Variants in PTPRD observed in about 807,000 individuals in gnomAD.
PTPRD encodes the protein receptor-type tyrosine-protein phosphatase delta.
A neutral mutation model predicts 214.5 loss-of-function variants in PTPRD; 34 were observed. The observed-to-expected ratio is 0.16, with a 90% CI of 0.12 to 0.21. The LOEUF (loss-of-function observed/expected upper bound fraction) is 0.21, where lower values mean the gene tolerates loss of function less well. Among genes scored for constraint, PTPRD ranks in the 10% least tolerant of loss-of-function variants. PTPRD has a pLI of 1.00. For missense variants in PTPRD, 2,545 were observed against 2,398.7 expected (o/e 1.06, Z -1.27); for synonymous variants, 1,128 against 845.7 (o/e 1.33, Z -5.79).
chr9:9,081,777 G>A (rs2099759436), intron 10 of PTPRD, among the ~76,000 whole-genome samples: 2 of 148,558 alleles, frequency 1.3e-5, no homozygotes. Flanking sequence ...TTTGATCTTT[G>A]TTGGTTTAAA....
chr9:10,139,072 C>T (rs1309359285), intron 3 of PTPRD, among the ~76,000 whole-genome samples: 2 of 151,934 alleles, frequency 1.3e-5, no homozygotes, highest in Non-Finnish European at 2.9e-5. Flanking sequence ...AATAAAGAGG[C>T]ATCCAAATAG....
intron 26 of PTPRD, among the ~76,000 whole-genome samples, chr9:8,495,424 A>C (rs999534498): frequency 6.6e-6 from 1 of 152,252 alleles, no homozygotes; most frequent in Non-Finnish European, 1.5e-5. Context: ...TTCATGACTA[A>C]ATTAGCAAAA....
intron 26 of PTPRD, among the ~76,000 whole-genome samples, chr9:8,493,346 T>C (rs1050959888): frequency 2.0e-5 from 3 of 152,180 alleles, no homozygotes; most frequent in South Asian, 2.1e-4. Flanking sequence ...TAGGACCCCA[T>C]AGGATTATAT....
chr9:9,486,759 C>A (rs950264988), intron 8 of PTPRD, among the ~76,000 whole-genome samples: 7 of 152,160 alleles, frequency 4.6e-5, no homozygotes, highest in African/African-American at 1.7e-4. Flanking sequence ...AGGATACACA[C>A]CCTCCAAAAG....
chr9:9,403,514 T>A (rs533660661), intron 8 of PTPRD, among the ~76,000 whole-genome samples: 3 of 151,844 alleles, frequency 2.0e-5, no homozygotes, highest in South Asian at 4.2e-4. Flanking sequence ...CACACCTCCA[T>A]GCACTTCTAT....
chr9:8,924,795 G>C (rs1024847956), intron 11 of PTPRD, among the ~76,000 whole-genome samples: 62 of 152,224 alleles, frequency 4.1e-4, no homozygotes, highest in African/African-American at 1.4e-3. Flanking sequence ...ATGTGAACTA[G>C]GCTAGAACAT....
At chr9:8,711,925 C>G (rs13288858) in intron 12 of PTPRD, among the ~76,000 whole-genome samples, 1 of 152,008 alleles carries the variant, frequency 6.6e-6, no homozygotes, top group Non-Finnish European at 1.5e-5. Context: ...TAAATGCATT[C>G]TGCTCAGTGA....
chr9:9,553,422 C>T (rs9407427), intron 8 of PTPRD, among the ~76,000 whole-genome samples: 15,679 of 152,014 alleles, frequency 0.1, 978 homozygotes, highest in East Asian at 0.15. Context: ...AAGGTAATAA[C>T]AAATGACATA....
At chr9:10,138,834 G>A (rs1022738029) in intron 3 of PTPRD, among the ~76,000 whole-genome samples, 3 of 152,120 alleles carry the variant, frequency 2.0e-5, no homozygotes, top group Non-Finnish European at 2.9e-5. Context: ...AAAAGCTTTT[G>A]ATAAAATCCA....
intron 8 of PTPRD, among the ~76,000 whole-genome samples, chr9:9,422,521 G>A (rs1474293310): frequency 1.3e-5 from 2 of 152,046 alleles, no homozygotes; most frequent in African/African-American, 4.8e-5. Flanking sequence ...CAAAGATCCC[G>A]GAAGGACGGT....
intron 23 of PTPRD, among the ~76,000 whole-genome samples, chr9:8,503,135 G>A (rs2097451382): frequency 6.6e-6 from 1 of 151,922 alleles, no homozygotes. Flanking sequence ...GAATAATCAT[G>A]CTTTAAAGAG....
At chr9:9,168,715 T>C (rs543526296) in intron 10 of PTPRD, among the ~76,000 whole-genome samples, 1 of 152,140 alleles carries the variant, frequency 6.6e-6, no homozygotes, top group South Asian at 2.1e-4. Flanking sequence ...ATGTTTTTAA[T>C]GAAAAAAAGC....
At chr9:10,550,150 C>T (rs2060989386) in intron 2 of PTPRD, among the ~76,000 whole-genome samples, 1 of 152,184 alleles carries the variant, frequency 6.6e-6, no homozygotes, top group Admixed American at 6.5e-5. Flanking sequence ...TGACAATAAC[C>T]CATTGCTAAT....
intron 14 of PTPRD, among the ~76,000 whole-genome samples, chr9:8,595,566 C>T (rs530203133): frequency 1.9e-4 from 29 of 152,040 alleles, no homozygotes; most frequent in Non-Finnish European, 4.0e-4. Flanking sequence ...TATAACAAAC[C>T]AATGTCTGGG....
chr9:8,529,682 G>A (rs1340047970), intron 14 of PTPRD, among the ~76,000 whole-genome samples: 1 of 152,118 alleles, frequency 6.6e-6, no homozygotes, highest in Non-Finnish European at 1.5e-5. Flanking sequence ...GACATTGCCA[G>A]CTCTTCTAGC....
intron 10 of PTPRD, among the ~76,000 whole-genome samples, chr9:9,058,595 T>G (rs376272673): frequency 0.011 from 1,606 of 150,664 alleles, 32 homozygotes; most frequent in African/African-American, 0.036. Flanking sequence ...GACTACAGGC[T>G]CCCGCCACCT....
chr9:8,641,301 A>G (rs2096570976), intron 12 of PTPRD, among the ~76,000 whole-genome samples: 2 of 148,180 alleles, frequency 1.3e-5, no homozygotes, highest in Non-Finnish European at 2.9e-5. Context: ...TATTATAGTT[A>G]GTGTACAAAA....
intron 5 of PTPRD, among the ~76,000 whole-genome samples, chr9:9,781,994 G>T (rs991718666): frequency 2.6e-5 from 4 of 151,942 alleles, no homozygotes; most frequent in Non-Finnish European, 5.9e-5. Flanking sequence ...GGGTTTCACC[G>T]TGTTAACCAG....
intron 9 of PTPRD, among the ~76,000 whole-genome samples, chr9:9,286,488 A>G (rs1949406482): frequency 6.6e-6 from 1 of 151,774 alleles, no homozygotes; most frequent in Non-Finnish European, 1.5e-5. Context: ...CGCAGAACTC[A>G]TAATGTCCAT....
Sources: gnomAD v4.1 joint callset for allele counts (sites outside exome capture counted in the v4.1 genomes callset) on GRCh38, gnomAD v4.1.1 for gene constraint, MANE v1.5 for transcripts, NCBI Gene and HGNC (gene_info 2026-07-23, HGNC 2026-07-21) for gene names.